KCNJ6: variants seen among roughly 807,000 people sequenced by gnomAD.
KCNJ6 encodes the protein G protein-activated inward rectifier potassium channel 2.
A neutral mutation model predicts 34.2 loss-of-function variants in KCNJ6; 9 were observed. That is an observed-to-expected ratio of 0.26 (90% confidence interval 0.16 to 0.46). The LOEUF (loss-of-function observed/expected upper bound fraction) is 0.46. Ranked by LOEUF, KCNJ6 falls within the 20% of genes least tolerant of loss-of-function variation. KCNJ6 has a pLI of 1.00. For synonymous variants in KCNJ6, 196 were observed against 207.1 expected (o/e 0.95, Z 0.46); for missense variants, 236 against 531.3 (o/e 0.44, Z 5.46).
intron 1 of KCNJ6, among the ~76,000 whole-genome samples, chr21:37,846,664 T>G (rs1461298552): frequency 6.6e-6 from 1 of 152,172 alleles, no homozygotes; most frequent in African/African-American, 2.4e-5. Flanking sequence ...TATTTTTATC[T>G]CTCTAAAATG....
At chr21:37,786,098 A>G (rs2123517280) in intron 2 of KCNJ6, among the ~76,000 whole-genome samples, 1 of 152,358 alleles carries the variant, frequency 6.6e-6, no homozygotes, top group East Asian at 1.9e-4. Flanking sequence ...ATCTGGTCCT[A>G]CAACTCTTTA....
At chr21:37,705,488 T>A (rs576595883) in intron 3 of KCNJ6, among the ~76,000 whole-genome samples, 23 of 152,326 alleles carry the variant, frequency 1.5e-4, no homozygotes, top group Non-Finnish European at 2.4e-4. Context: ...AAATGACAGC[T>A]ATGAGAACAG....
chr21:37,667,054 T>C (rs889900814), intron 3 of KCNJ6, among the ~76,000 whole-genome samples: 2 of 149,410 alleles, frequency 1.3e-5, no homozygotes, highest in Admixed American at 1.4e-4. Context: ...ACCGGAGACC[T>C]TTGTTCACCT....
intron 3 of KCNJ6, among the ~76,000 whole-genome samples, chr21:37,709,150 G>A (rs2054736679): frequency 1.3e-5 from 2 of 152,196 alleles, no homozygotes; most frequent in Admixed American, 1.3e-4. Flanking sequence ...GAACCTTAAA[G>A]GAAAGGAAGA....
At chr21:37,832,923 C>T (rs1233000218) in intron 2 of KCNJ6, among the ~76,000 whole-genome samples, 1 of 152,178 alleles carries the variant, frequency 6.6e-6, no homozygotes, top group Non-Finnish European at 1.5e-5. Context: ...CGCCCCTTTC[C>T]ATCCCTATGA....
intron 1 of KCNJ6, among the ~76,000 whole-genome samples, chr21:37,841,575 A>T (rs2055481120): frequency 6.6e-6 from 1 of 152,198 alleles, no homozygotes; most frequent in African/African-American, 2.4e-5. Context: ...TCATGGTTAC[A>T]TTTTGGTGAC....
At chr21:37,803,334 C>T (rs1395398794) in intron 2 of KCNJ6, among the ~76,000 whole-genome samples, 1 of 152,096 alleles carries the variant, frequency 6.6e-6, no homozygotes. Context: ...GACCTCAAAT[C>T]CACACAGCAC....
rs762496663 is a variant in KCNJ6, at chr21:37,611,882, C to T, written c.*13277G>A. On this transcript the variant is annotated 3_prime_UTR_variant, in exon 4 of 4. Coordinates refer to ENST00000609713, the MANE Select transcript of KCNJ6 (RefSeq NM_002240.5). ...TTACAGCTAACATCATACTAAATGG[C>T]GTGATGGTGAGAAACCTGAAGCTGT... The T allele has an allele frequency of 7.9e-5, 12 of 151,908 alleles. No homozygotes were observed. The highest frequency in any genetic ancestry group is 1.3e-4 in the Admixed American group (2 of 15,246). 9.4% of individuals were successfully genotyped at this position (151,908 alleles called of 1,614,324 possible).
At chr21:37,783,791 G>C (rs566941635) in intron 2 of KCNJ6, among the ~76,000 whole-genome samples, 3 of 152,298 alleles carry the variant, frequency 2.0e-5, no homozygotes, top group Admixed American at 6.5e-5. Flanking sequence ...GGTTAAGTGA[G>C]GTCATAGAGT....
chr21:37,888,828 C>G (rs1030356040), intron 1 of KCNJ6, among the ~76,000 whole-genome samples: 2 of 152,180 alleles, frequency 1.3e-5, no homozygotes, highest in African/African-American at 4.8e-5. Flanking sequence ...GGGTGTGCAC[C>G]AGCAGAGGTG....
At chr21:37,778,722 T>TGTG (rs1555843342) in intron 2 of KCNJ6, among the ~76,000 whole-genome samples, 3 of 151,230 alleles carry the variant, frequency 2.0e-5, no homozygotes, top group Admixed American at 6.6e-5. Context: ...TGTGTGTGTG[T>TGTG]TTTAACACTC....
At chr21:37,733,446 T>C (rs1239052385) in intron 2 of KCNJ6, among the ~76,000 whole-genome samples, 1 of 152,174 alleles carries the variant, frequency 6.6e-6, no homozygotes, top group East Asian at 1.9e-4. Context: ...ATGCACTAAC[T>C]AGATTTGGGG....
At chr21:37,716,254 A>T (rs1039180754) in intron 2 of KCNJ6, among the ~76,000 whole-genome samples, 1 of 152,182 alleles carries the variant, frequency 6.6e-6, no homozygotes, top group Non-Finnish European at 1.5e-5. Flanking sequence ...AAGGTAAGTA[A>T]AAAAGGGTGG....
intron 2 of KCNJ6, among the ~76,000 whole-genome samples, chr21:37,753,199 G>C (rs1002664437): frequency 3.3e-5 from 5 of 152,194 alleles, no homozygotes; most frequent in African/African-American, 1.2e-4. Context: ...AAATCTGCAG[G>C]GGTTTCTGGA....
intron 3 of KCNJ6, among the ~76,000 whole-genome samples, chr21:37,711,276 C>G (rs527877038): frequency 6.6e-6 from 1 of 152,226 alleles, no homozygotes. Context: ...CAACTCCGGT[C>G]TCCGGAAAAC....
At chr21:37,842,790 G>C (rs1370815303) in intron 1 of KCNJ6, among the ~76,000 whole-genome samples, 2 of 152,234 alleles carry the variant, frequency 1.3e-5, no homozygotes, top group Non-Finnish European at 2.9e-5. Flanking sequence ...GACCCCAGCG[G>C]GTTGTGACAA....
In KCNJ6 at chr21:37,714,804, C is replaced by T. The variant is rs962612911; in HGVS notation, c.353G>A (p.Arg118Gln). ...GTCCTCTATGTGGTCCATGTCTCCC[C>T]GTATGTATGCGATCAACCACCAGAT... ...GMIWWLIAYI[R>Q]GDMDHIEDPS... The change falls in exon 3 of 4, where the codon CGG becomes CAG. Residue 118 changes from arginine to glutamine, a missense_variant. Around this residue, in one of 5 missense-constraint regions of KCNJ6, gnomAD observed 68 missense variants for 165.7 expected, o/e 0.41. Transcript: ENST00000609713. The surrounding 1 kb of genome is among the most constrained non-coding windows in gnomAD (Gnocchi z 5.9). 2.5e-6 allele frequency: 4 copies of T among 1,614,056 alleles called. No homozygotes were observed. Among genetic ancestry groups the T allele is most frequent in the Non-Finnish European group, 3.4e-6 (4 of 1,180,050 alleles).
chr21:37,772,878 A>G (rs1040666333), intron 2 of KCNJ6, among the ~76,000 whole-genome samples: 5 of 152,226 alleles, frequency 3.3e-5, no homozygotes, highest in African/African-American at 1.2e-4. Context: ...TGTACTATAT[A>G]TATGTTATAC....
chr21:37,655,225 GAGAGAGA>G (rs2054456461), intron 3 of KCNJ6, among the ~76,000 whole-genome samples: 21 of 1,824 alleles, frequency 0.012, 1 homozygote, highest in African/African-American at 0.048. Flanking sequence ...GTGTGTGTGT[GAGAGAGA>G]GAGAGAGAGA....
Sources: allele counts gnomAD v4.1 joint callset (sites outside exome capture counted in the v4.1 genomes callset), GRCh38; gene constraint gnomAD v4.1.1; regional missense constraint gnomAD v4.1.1; non-coding constraint Gnocchi (gnomAD v3.1); transcripts MANE v1.5; gene names NCBI Gene and HGNC (gene_info 2026-07-23, HGNC 2026-07-21).